The following XXYLT1 variants were observed in gnomAD, a reference collection of about 807,000 sequenced individuals.
XXYLT1 encodes the protein xyloside xylosyltransferase 1, also known as UDP-xylose:alpha-xyloside alpha-1,3-xylosyltransferase.
A neutral mutation model predicts 28.9 loss-of-function variants in XXYLT1; 20 were observed. The ratio of observed to expected loss-of-function variants is 0.69; its 90% confidence interval spans 0.49 to 1.00. The LOEUF is 1.00. XXYLT1 is among the 50% of genes least tolerant of loss of function. The probability of loss-of-function intolerance (pLI) is 0.00; values close to 1 mark genes in which losing one functional copy is unlikely to be tolerated. For synonymous variants in XXYLT1, 257 were observed against 253.8 expected (o/e 1.01, Z -0.12); for missense variants, 542 against 560.1 (o/e 0.97, Z 0.33).
At chr3:195,101,985 C>T (rs899877077) in intron 3 of XXYLT1, among the ~76,000 whole-genome samples, 590 of 24,538 alleles carry the variant, frequency 0.024, 58 homozygotes, top group Middle Eastern at 0.045. Flanking sequence ...GGGAGGGATG[C>T]GGGGAGGGAG....
chr3:195,172,218 AAAG>A (rs1721441867), intron 2 of XXYLT1, among the ~76,000 whole-genome samples: 1 of 152,216 alleles, frequency 6.6e-6, no homozygotes, highest in South Asian at 2.1e-4. Flanking sequence ...CTGCTTTTCA[AAAG>A]AAAAACCTGG....
At chr3:195,194,468 G>A (rs1457704825) in intron 2 of XXYLT1, among the ~76,000 whole-genome samples, 2 of 151,986 alleles carry the variant, frequency 1.3e-5, no homozygotes, top group African/African-American at 4.8e-5. Context: ...CTCCCAGAAG[G>A]GAATATAAAT....
intron 3 of XXYLT1, 53 bp downstream of exon 3, chr3:195,156,396 G>A: frequency 3.1e-6 from 5 of 1,594,730 alleles, no homozygotes; most frequent in Non-Finnish European, 4.3e-6. Context: ...GAAGAGAGAG[G>A]GTGAAGGGTG....
intron 2 of XXYLT1, among the ~76,000 whole-genome samples, chr3:195,184,333 C>T (rs550264984): frequency 1.3e-5 from 2 of 152,328 alleles, no homozygotes; most frequent in East Asian, 1.9e-4. Flanking sequence ...GCTTTTAGCC[C>T]AATATGTGGA....
chr3:195,221,770 G>A (rs996007473), intron 2 of XXYLT1, among the ~76,000 whole-genome samples: 1 of 151,960 alleles, frequency 6.6e-6, no homozygotes, highest in Non-Finnish European at 1.5e-5. Flanking sequence ...TGCATAAGAT[G>A]CTTCCAGTGG....
In XXYLT1 at chr3:195,069,106, G is replaced by T. The variant is rs1714655025; in HGVS notation, c.*609C>A. On this transcript the variant is annotated 3_prime_UTR_variant, in exon 4 of 4. Transcript: ENST00000310380. Reference sequence around the variant, plus strand: ...AGTTTTCTTATGCAGGCCCCAGTTGGTCCTGAAGTCCTTCCTCAAAGAGGC... The same window carrying T: ...AGTTTTCTTATGCAGGCCCCAGTTGTTCCTGAAGTCCTTCCTCAAAGAGGC... The T allele has an allele frequency of 1.3e-5, 2 of 152,610 alleles. No homozygotes were observed. The allele number at this position is 152,610 out of a possible 1,614,324, so 9.5% of individuals were successfully genotyped here. A position where few individuals can be genotyped will look rare whatever the true frequency, so the allele number is the denominator to read the frequency against.
intron 3 of XXYLT1, among the ~76,000 whole-genome samples, chr3:195,117,096 CTATA>C (rs984569571): frequency 8.3e-6 from 1 of 121,204 alleles, no homozygotes; most frequent in Non-Finnish European, 1.7e-5. Context: ...TGGAAACATC[CTATA>C]TATATATAGT....
intron 2 of XXYLT1, among the ~76,000 whole-genome samples, chr3:195,172,263 G>A (rs900523167): frequency 6.6e-6 from 1 of 152,158 alleles, no homozygotes; most frequent in Admixed American, 6.5e-5. Flanking sequence ...TGCACCTAAC[G>A]AGAGGCTTGC....
chr3:195,117,107 T>G (rs1256115819), intron 3 of XXYLT1, among the ~76,000 whole-genome samples: 1 of 58,898 alleles, frequency 1.7e-5, no homozygotes, highest in African/African-American at 6.6e-5. Context: ...TATATATATA[T>G]AGTGTATACA....
At chr3:195,260,385 G>T (rs1030139395) in intron 1 of XXYLT1, among the ~76,000 whole-genome samples, 11 of 152,162 alleles carry the variant, frequency 7.2e-5, no homozygotes, top group Non-Finnish European at 1.6e-4. Context: ...GCACATCCCG[G>T]AGCACAGGAC....
chr3:195,120,292 C>CCCG (rs10663519), intron 3 of XXYLT1, among the ~76,000 whole-genome samples: 3 of 143,880 alleles, frequency 2.1e-5, no homozygotes, highest in African/African-American at 7.6e-5. Context: ...ATGCCCCCCC[C>CCCG]GCCCCAGCCC....
At chr3:195,199,226 C>T (rs2410806) in intron 2 of XXYLT1, among the ~76,000 whole-genome samples, 36,942 of 151,930 alleles carry the variant, frequency 0.24, 6,356 homozygotes, top group African/African-American at 0.48. Flanking sequence ...CCCTGGCCAC[C>T]GGCTCGAGGT....
At position 195,115,497 on chromosome 3, in the gene XXYLT1, C is replaced by T. The variant is rs369223168; in HGVS notation, c.785+40952G>A. Among the ~76,000 whole-genome samples, 71 of 152,328 alleles carry T rather than the reference C, an allele frequency of 4.7e-4. No homozygotes were observed. The highest frequency in any genetic ancestry group is 6.8e-3 in the Middle Eastern group (2 of 294). On this transcript the variant is annotated intron_variant, in intron 3 of 3. Transcript: ENST00000310380. The surrounding 1 kb of genome is among the most constrained non-coding windows in gnomAD (Gnocchi z 4.2). ...GTAAGCACCTAATTCCAACAAGAAA[C>T]TCCTTCTGCTTACACCACCTGGAGT... is the stretch of plus-strand genomic sequence containing the variant.
intron 1 of XXYLT1, among the ~76,000 whole-genome samples, chr3:195,235,426 T>C (rs1577180281): frequency 6.6e-6 from 1 of 152,238 alleles, no homozygotes. Context: ...CTCTGTGCTA[T>C]CTTGAATTTC....
intron 1 of XXYLT1, among the ~76,000 whole-genome samples, chr3:195,267,760 C>T (rs1725888720): frequency 6.6e-6 from 1 of 152,034 alleles, no homozygotes; most frequent in East Asian, 1.9e-4. Context: ...GAAAGGTTTA[C>T]CAAGGAAAGA....
At chr3:195,071,310 C>A (rs571534481) in intron 3 of XXYLT1, among the ~76,000 whole-genome samples, 6 of 152,344 alleles carry the variant, frequency 3.9e-5, no homozygotes, top group Non-Finnish European at 8.8e-5. Flanking sequence ...ACTTCCCCAC[C>A]CAAACCCAGG....
chr3:195,187,438 T>G (rs189237121), intron 2 of XXYLT1, among the ~76,000 whole-genome samples: 9 of 152,258 alleles, frequency 5.9e-5, no homozygotes, highest in Non-Finnish European at 1.3e-4. Flanking sequence ...TCCACTGTTA[T>G]TATTAATATT....
In XXYLT1 at chr3:195,144,051, G is replaced by A. The variant is rs893379117; in HGVS notation, c.785+12398C>T. Among the ~76,000 whole-genome samples the A allele has an allele frequency of 1.2e-4, 17 of 147,720 alleles. No individual in the cohort carries two copies. In the South Asian group the frequency reaches 2.5e-3, roughly 22 times the overall value. ...TGGGATTACAGGCACCCGCCACCAC[G>A]CCCAGCTGATTTTTGTATTTTTATT... On this transcript the variant is annotated intron_variant, in intron 3 of 3. Transcript: ENST00000310380.
chr3:195,210,907 G>A lies in XXYLT1; in HGVS notation c.652+15802C>T, dbSNP rs182220365. Among the ~76,000 whole-genome samples the A allele has an allele frequency of 3.6e-4, 55 of 152,134 alleles. No individual in the cohort carries two copies. The highest frequency in any genetic ancestry group is 1.0e-3 in the African/African-American group (43 of 41,496). On this transcript the variant is annotated intron_variant, in intron 2 of 3. Transcript: ENST00000310380. This position sits in a 1 kb window ranked among gnomAD's most constrained non-coding sequence, Gnocchi z 4.8. The stretch of plus-strand genomic sequence containing the variant: ...CCCCTGCTCCTCCCCCCAGCTGAAC[G>A]CTGACAGTCAAGGGCAGCACCCGCC...
Sources: gnomAD v4.1 joint callset for allele counts (sites outside exome capture counted in the v4.1 genomes callset) on GRCh38, gnomAD v4.1.1 for gene constraint, Gnocchi (gnomAD v3.1) non-coding constraint, MANE v1.5 for transcripts, NCBI Gene and HGNC (gene_info 2026-07-23, HGNC 2026-07-21) for gene names.